The following COL4A4 variants were observed in gnomAD, a reference collection of about 807,000 sequenced individuals.
The protein encoded by COL4A4 is collagen type IV alpha 4 chain, also known as collagen alpha-4(IV) chain.
Under a neutral mutation model 192.9 loss-of-function variants are expected in COL4A4, and 105 were observed. That is an observed-to-expected ratio of 0.54 (90% CI 0.46 to 0.64). COL4A4 has a LOEUF of 0.64. Ranked by LOEUF, COL4A4 falls within the 30% of genes least tolerant of loss-of-function variation. The pLI, the probability that COL4A4 is intolerant of heterozygous loss-of-function variation, is 0.00. For missense variants in COL4A4, 1,967 were observed against 2,169.3 expected, an observed-to-expected ratio of 0.91 and a Z score of 1.85; for synonymous variants, 762 against 769.9, an observed-to-expected ratio of 0.99 and a Z score of 0.17.
At chr2:227,049,535 A>G (rs1297163499) in intron 34 of COL4A4, among the ~76,000 whole-genome samples, 1 of 152,192 alleles carries the variant, frequency 6.6e-6, no homozygotes, top group Admixed American at 6.5e-5. Flanking sequence ...ATATTTTGCT[A>G]TAGTAAAAAA....
the COL4A4 span, among the ~76,000 whole-genome samples, chr2:226,993,010 GT>G: frequency 6.6e-6 from 1 of 152,194 alleles, no homozygotes; most frequent in South Asian, 2.1e-4. Context: ...CATGACATGA[GT>G]TTTCTACTTC....
intron 43 of COL4A4, among the ~76,000 whole-genome samples, chr2:227,024,018 A>C (rs1337093053): frequency 1.3e-5 from 2 of 149,758 alleles, no homozygotes; most frequent in African/African-American, 4.9e-5. Context: ...AAAAAAAAAC[A>C]AAAAACAAAC....
rs529345734 is a variant in COL4A4, at chr2:227,126,421, A to G, written c.193-5273T>C. 1.4e-4 allele frequency among the ~76,000 whole-genome samples: 22 copies of G among 152,352 alleles called. No individual in the cohort carries two copies. The South Asian group carries it at 3.9e-3, about 27-fold the overall frequency. ...TTCCACAGCAAACTGTGCAGAGTAC[A>G]ACTTCACACCATGAGCAATGACTCT... On this transcript the variant is annotated intron_variant, in intron 4 of 47. Coordinates refer to ENST00000396625, the MANE Select transcript of COL4A4 (RefSeq NM_000092.5).
intron 31 of COL4A4, 119 bp downstream of exon 31, chr2:227,054,475 T>C: frequency 8.8e-7 from 1 of 1,140,342 alleles, no homozygotes; most frequent in Non-Finnish European, 1.3e-6. Context: ...ACCATAGAAC[T>C]AAAAGGAGGA....
At chr2:227,041,909 A>AGAAAGAAG (rs1971512233) in intron 37 of COL4A4, among the ~76,000 whole-genome samples, 1 of 151,584 alleles carries the variant, frequency 6.6e-6, no homozygotes, top group African/African-American at 2.4e-5. Flanking sequence ...AAAGAAAGAA[A>AGAAAGAAG]GAAAGAAAGA....
At chr2:227,019,866 C>T (rs1965646277) in intron 44 of COL4A4, among the ~76,000 whole-genome samples, 1 of 152,198 alleles carries the variant, frequency 6.6e-6, no homozygotes, top group African/African-American at 2.4e-5. Context: ...GGGGTTTTAC[C>T]ATGTTGGCCA....
chr2:227,114,434 T>G (rs919878499), intron 8 of COL4A4, 194 bp downstream of exon 8: 17 of 684,724 alleles, frequency 2.5e-5, no homozygotes, highest in Non-Finnish European at 4.0e-5. Flanking sequence ...AATTTTACAG[T>G]GCTGGAATTT....
intron 4 of COL4A4, among the ~76,000 whole-genome samples, chr2:227,131,163 C>CTTT (rs149428549): frequency 8.0e-6 from 1 of 125,008 alleles, no homozygotes; most frequent in Non-Finnish European, 1.7e-5. Context: ...TTCTTTCTTT[C>CTTT]TTTTTTTTTT....
intron 44 of COL4A4, among the ~76,000 whole-genome samples, chr2:227,013,797 C>G (rs1398994965): frequency 2.6e-5 from 4 of 152,160 alleles, no homozygotes; most frequent in African/African-American, 7.2e-5. Context: ...CTTGCCTTCA[C>G]CCTCCAGTGA....
At chr2:227,027,179 G>A (rs1169579331) in intron 42 of COL4A4, among the ~76,000 whole-genome samples, 1 of 151,324 alleles carries the variant, frequency 6.6e-6, no homozygotes, top group Non-Finnish European at 1.5e-5. Flanking sequence ...TTGAACCCAG[G>A]AGGCGGAGGC....
Position 227,051,144 on chromosome 2 carries a change from G to A in COL4A4, c.2983C>T (p.Pro995Ser), listed in dbSNP as rs932615071. The A allele has an allele frequency of 1.2e-6, 2 of 1,613,988 alleles. No individual in the cohort carries two copies. Among genetic ancestry groups the A allele is most frequent in the Non-Finnish European group, 1.7e-6 (2 of 1,180,008 alleles). ...FPGERGDKGT[P>S]GMQGRRGEPG... is the part of the protein sequence containing the mutation. Reference sequence around the variant, plus strand: ...TCTCCTCTTCTCCCTTGCATCCCGGGAGTTCCTTTATCACCTGATGAAGTT... The same window carrying A: ...TCTCCTCTTCTCCCTTGCATCCCGGAAGTTCCTTTATCACCTGATGAAGTT... Residue 995 changes from proline to serine, a missense_variant, in exon 33 of 48, where the codon CCC becomes TCC. By Grantham distance (74) the Pro-to-Ser change is moderately conservative. Coordinates refer to ENST00000396625, the MANE Select transcript of COL4A4 (RefSeq NM_000092.5).
In COL4A4 at chr2:227,027,897, C is replaced by T; in HGVS notation, c.4081+5G>A. 2 of 1,597,626 alleles carry T rather than the reference C, an allele frequency of 1.3e-6. No homozygotes were observed. The highest frequency in any genetic ancestry group is 1.7e-6 in the Non-Finnish European group (2 of 1,165,238). ...CAAAATGCTGTATGTAGGTTGGAAGCTCACCCGGAAGACCAGTGGGCCCTT... is the reference window on the plus strand; with the variant it reads ...CAAAATGCTGTATGTAGGTTGGAAGTTCACCCGGAAGACCAGTGGGCCCTT... On this transcript the variant is annotated splice_donor_5th_base_variant and intron_variant, in intron 42 of 47. Coordinates refer to ENST00000396625, the MANE Select transcript of COL4A4 (RefSeq NM_000092.5).
the COL4A4 span, among the ~76,000 whole-genome samples, chr2:226,969,419 A>T: frequency 7.5e-6 from 1 of 133,260 alleles, no homozygotes; most frequent in African/African-American, 2.9e-5. Context: ...TTTTTTAAGG[A>T]AGTAGACCTG....
At chr2:227,069,328 A>T (rs560310833) in intron 25 of COL4A4, among the ~76,000 whole-genome samples, 2 of 152,250 alleles carry the variant, frequency 1.3e-5, no homozygotes, top group South Asian at 4.2e-4. Flanking sequence ...ATCCCCATCA[A>T]GCTACCAATG....
intron 25 of COL4A4, among the ~76,000 whole-genome samples, chr2:227,069,470 A>C (rs948361903): frequency 2.0e-5 from 3 of 152,114 alleles, no homozygotes; most frequent in African/African-American, 7.2e-5. Context: ...TTCAAACTAT[A>C]CTACAAGGCT....
At chr2:227,094,051 T>A in intron 20 of COL4A4, 74 bp downstream of exon 20, 1 of 1,366,314 alleles carries the variant, frequency 7.3e-7, no homozygotes, top group East Asian at 2.3e-5. Context: ...TTTTAAAAAC[T>A]ATGCTTTCTT....
intron 37 of COL4A4, among the ~76,000 whole-genome samples, chr2:227,041,900 A>AAGAAAGAAAGAAAGAAAG (rs1559479169): frequency 1.3e-4 from 20 of 150,340 alleles, no homozygotes; most frequent in African/African-American, 5.0e-4. Flanking sequence ...GAAAGAAAGA[A>AAGAAAGAAAGAAAGAAAG]AGAAAGAAAG....
chr2:227,080,557 T>C lies in COL4A4; in HGVS notation c.1697-8A>G, dbSNP rs1248776850. 6 of 1,610,786 alleles carry C rather than the reference T, an allele frequency of 3.7e-6. No individual in the cohort carries two copies. The African/African-American group carries it at 5.3e-5, about 14-fold the overall frequency. On this transcript the variant is annotated splice_polypyrimidine_tract_variant and splice_region_variant and intron_variant, in intron 23 of 47. Coordinates refer to ENST00000396625, the MANE Select transcript of COL4A4 (RefSeq NM_000092.5). ...CTCTTTCTCCTTTGTGCCCTGGAAA[T>C]AGAGGTCAAAAGATATTCAAGCTCT...
intron 12 of COL4A4, among the ~76,000 whole-genome samples, 154 bp downstream of exon 12, chr2:227,108,427 G>A (rs1335903388): frequency 6.6e-6 from 1 of 152,134 alleles, no homozygotes; most frequent in East Asian, 1.9e-4. Flanking sequence ...CAAGGGTAAT[G>A]GTGCCATAAT....
Sources: gnomAD v4.1 joint callset for allele counts (sites outside exome capture counted in the v4.1 genomes callset) on GRCh38, gnomAD v4.1.1 for gene constraint, MANE v1.5 for transcripts, NCBI Gene and HGNC (gene_info 2026-07-23, HGNC 2026-07-21) for gene names.